COL6A6: variants seen among roughly 807,000 people sequenced by gnomAD.
COL6A6 encodes the protein collagen alpha-6(VI) chain.
A neutral mutation model predicts 208.6 loss-of-function variants in COL6A6; 183 were observed. The observed-to-expected ratio is 0.88, with a 90% CI of 0.78 to 0.99. The LOEUF is 0.99. COL6A6 is among the 50% of genes least tolerant of loss of function. COL6A6 has a pLI of 0.00. For missense variants in COL6A6, 2,816 were observed against 2,815.2 expected (o/e 1.00, Z -0.01); for synonymous variants, 973 against 1,011.8 (o/e 0.96, Z 0.73).
Position 130,645,016 on chromosome 3 carries a change from A to G in COL6A6, c.5239+14A>G. The G allele has an allele frequency of 6.2e-7, 1 of 1,609,806 alleles. No homozygotes were observed. The highest frequency in any genetic ancestry group is 8.5e-7 in the Non-Finnish European group (1 of 1,176,230). On this transcript the variant is annotated intron_variant, in intron 32 of 36. Transcript: ENST00000358511. ...CTGGCAGGCATGGTGAGTAATCTTT[A>G]TTTACAGCATGCTTTAATCAAGCTC...
At chr3:130,650,479 GGC>G (rs1327796520) in intron 33 of COL6A6, among the ~76,000 whole-genome samples, 1 of 152,122 alleles carries the variant, frequency 6.6e-6, no homozygotes, top group Non-Finnish European at 1.5e-5. Context: ...AAATTAGCCG[GGC>G]GCGATGGCAG....
At chr3:130,547,247 A>G (rs1227158487) in intron 1 of COL6A6, among the ~76,000 whole-genome samples, 3 of 152,262 alleles carry the variant, frequency 2.0e-5, no homozygotes, top group African/African-American at 7.2e-5. Context: ...AAGCGTGGCA[A>G]GAGTGGGCTG....
At chr3:130,616,616 A>G (rs1400744199) in intron 23 of COL6A6, among the ~76,000 whole-genome samples, 1 of 150,676 alleles carries the variant, frequency 6.6e-6, no homozygotes, top group East Asian at 2.0e-4. Flanking sequence ...TTGAAGCTGT[A>G]ATTATTTTTT....
intron 20 of COL6A6, among the ~76,000 whole-genome samples, chr3:130,601,689 A>G (rs1255536278): frequency 6.6e-6 from 1 of 152,228 alleles, no homozygotes. Context: ...CAGCCATGTC[A>G]TTCAGGAGTA....
At chr3:130,649,661 AG>A in intron 33 of COL6A6, 99 bp downstream of exon 33, 1 of 1,315,958 alleles carries the variant, frequency 7.6e-7, no homozygotes, top group Non-Finnish European at 1.0e-6. Context: ...GCCATTTGTT[AG>A]GAAGTTTAAA....
intron 19 of COL6A6, 56 bp from the exon 20 acceptor site, chr3:130,599,701 G>A (rs2063953248): frequency 6.3e-7 from 1 of 1,583,074 alleles, no homozygotes; most frequent in Non-Finnish European, 8.7e-7. Flanking sequence ...ATGTTAAAGA[G>A]AAACTCTGTC....
chr3:130,538,753 C>T (rs1577638291), intron 1 of COL6A6, among the ~76,000 whole-genome samples: 1 of 152,254 alleles, frequency 6.6e-6, no homozygotes, highest in East Asian at 1.9e-4. Flanking sequence ...GGAGTGTGAG[C>T]TCAGTATTGC....
At chr3:130,628,551 A>C (rs2064960668) in intron 26 of COL6A6, among the ~76,000 whole-genome samples, 1 of 152,184 alleles carries the variant, frequency 6.6e-6, no homozygotes, top group African/African-American at 2.4e-5. Context: ...TATTATAATC[A>C]GGAAATGAGC....
At chr3:130,621,948 G>A in intron 24 of COL6A6, 65 bp downstream of exon 24, 1 of 1,338,988 alleles carries the variant, frequency 7.5e-7, no homozygotes, top group Admixed American at 1.7e-5. Context: ...GTGTCTAATT[G>A]TATTAGCCAG....
intron 1 of COL6A6, among the ~76,000 whole-genome samples, chr3:130,521,217 T>C (rs2107662709): frequency 6.6e-6 from 1 of 152,330 alleles, no homozygotes; most frequent in Non-Finnish European, 1.5e-5. Flanking sequence ...TTGTGTTGGC[T>C]TGAAAAACCA....
chr3:130,574,651 G>C (rs1027846609), intron 8 of COL6A6, 126 bp downstream of exon 8: 2 of 748,140 alleles, frequency 2.7e-6, no homozygotes, highest in African/African-American at 3.5e-5. Context: ...ATTTCAAATT[G>C]AGCTTTTCAC....
Position 130,615,375 on chromosome 3 carries a change from GGT to G in COL6A6, c.4815+4665_4815+4666del, listed in dbSNP as rs758663362. 7.0e-4 allele frequency among the ~76,000 whole-genome samples: 106 copies of G among 152,126 alleles called. 1 individual carries two copies. Among genetic ancestry groups the G allele is most frequent in the Non-Finnish European group, 7.2e-4 (49 of 67,954 alleles). On this transcript the variant is annotated intron_variant, in intron 23 of 36. Transcript: ENST00000358511. Reference sequence around the variant, plus strand: ...TTTCTGATTGTGTGGTCAATTTTATGGTATATGCCATGTGGCGATGAGAAGAA... The same window carrying G: ...TTTCTGATTGTGTGGTCAATTTTATGATATGCCATGTGGCGATGAGAAGAA...
rs2066340595 is a variant in COL6A6, at chr3:130,675,601, G to A, written c.*204G>A. ...AGCACTCTACGACTGATATGTCGAA[G>A]AACTGTTTCATTAGAAGACAGAAGA... On this transcript the variant is annotated 3_prime_UTR_variant, in exon 37 of 37. Coordinates refer to ENST00000358511, the MANE Select transcript of COL6A6 (RefSeq NM_001102608.3). 6.9e-6 allele frequency: 3 copies of A among 434,394 alleles called. No individual in the cohort carries two copies. The highest frequency in any genetic ancestry group is 7.6e-5 in the South Asian group (1 of 13,108). 26.9% of individuals were successfully genotyped at this position (434,394 alleles called of 1,614,324 possible). A position where few individuals can be genotyped will look rare whatever the true frequency, so the allele number is the denominator to read the frequency against.
At chr3:130,602,660 A>C (rs1215085451) in intron 20 of COL6A6, among the ~76,000 whole-genome samples, 1 of 152,220 alleles carries the variant, frequency 6.6e-6, no homozygotes, top group Non-Finnish European at 1.5e-5. Context: ...TTAACACCTG[A>C]CATTTCTATT....
At position 130,551,631 on chromosome 3, in the gene COL6A6, G is replaced by GTT. The variant is rs1361426497; in HGVS notation, c.-31-8689_-31-8688dup. 1.2e-3 allele frequency among the ~76,000 whole-genome samples: 154 copies of GTT among 123,316 alleles called. 1 individual carries two copies. The highest frequency in any genetic ancestry group is 4.0e-3 in the African/African-American group (137 of 34,622). The allele number at this position is 123,316 out of a possible 152,430, so 80.9% of individuals were successfully genotyped here. On this transcript the variant is annotated intron_variant, in intron 1 of 36. Transcript: ENST00000358511. ...AACCCTGGATTTGTTGATCTTTTGG[G>GTT]TTTTTTTTTTTTTTTCACATCTCCA...
intron 23 of COL6A6, among the ~76,000 whole-genome samples, chr3:130,620,102 G>A (rs1007624307): frequency 6.6e-6 from 1 of 151,218 alleles, no homozygotes; most frequent in Non-Finnish European, 1.5e-5. Flanking sequence ...GCCTGGTTAA[G>A]TCTTGAGTTT....
intron 1 of COL6A6, among the ~76,000 whole-genome samples, chr3:130,560,043 A>G (rs563922757): frequency 6.6e-6 from 1 of 152,312 alleles, no homozygotes; most frequent in South Asian, 2.1e-4. Context: ...GAAAATAAAT[A>G]CTAGGAACGC....
chr3:130,652,611 A>G (rs763462390), intron 33 of COL6A6, among the ~76,000 whole-genome samples: 55 of 152,358 alleles, frequency 3.6e-4, no homozygotes, highest in Middle Eastern at 3.4e-3. Context: ...GAAGGGCTCA[A>G]AACAGAGCCA....
intron 26 of COL6A6, among the ~76,000 whole-genome samples, chr3:130,629,143 C>T (rs2064982695): frequency 5.9e-5 from 1 of 16,822 alleles, no homozygotes; most frequent in Non-Finnish European, 9.2e-5. Flanking sequence ...AAGTTGAAAA[C>T]TTTGAAAAAA....
Sources: gnomAD v4.1 joint callset for allele counts (sites outside exome capture counted in the v4.1 genomes callset) on GRCh38, gnomAD v4.1.1 for gene constraint, MANE v1.5 for transcripts, NCBI Gene and HGNC (gene_info 2026-07-23, HGNC 2026-07-21) for gene names.